TMEM71: variants seen among roughly 807,000 people sequenced by gnomAD.
The protein encoded by TMEM71 is transmembrane protein 71.
A neutral mutation model predicts 38.0 loss-of-function variants in TMEM71; 44 were observed. That is an observed-to-expected ratio of 1.16 (90% CI 0.91 to 1.49). The LOEUF (loss-of-function observed/expected upper bound fraction) is 1.49. Ranked by LOEUF, TMEM71 falls within the 40% of genes most tolerant of loss-of-function variation. The probability of loss-of-function intolerance (pLI) is 0.00; values close to 1 mark genes in which losing one functional copy is unlikely to be tolerated. For synonymous variants in TMEM71, 133 were observed against 122.5 expected, an observed-to-expected ratio of 1.09 and a Z score of -0.56; for missense variants, 367 against 348.6, an observed-to-expected ratio of 1.05 and a Z score of -0.42.
At chr8:132,750,022 A>AAAAG (rs1554619430) in intron 4 of TMEM71, among the ~76,000 whole-genome samples, 7 of 151,080 alleles carry the variant, frequency 4.6e-5, no homozygotes, top group African/African-American at 7.3e-5. Context: ...CAAAAAAAAA[A>AAAAG]AAAGAAAGAA....
intron 7 of TMEM71, among the ~76,000 whole-genome samples, chr8:132,721,517 C>G (rs1300571119): frequency 6.7e-6 from 1 of 149,992 alleles, no homozygotes; most frequent in East Asian, 2.0e-4. Flanking sequence ...GTTTTGTATG[C>G]TTTCTAGGTG....
intron 7 of TMEM71, 57 bp downstream of exon 7, chr8:132,721,983 C>T: frequency 7.1e-7 from 1 of 1,415,872 alleles, no homozygotes; most frequent in Admixed American, 1.7e-5. Flanking sequence ...AATCATCAAT[C>T]AGCTATAGTT....
intron 5 of TMEM71, among the ~76,000 whole-genome samples, chr8:132,729,049 C>T (rs547242735): frequency 6.6e-6 from 1 of 152,234 alleles, no homozygotes; most frequent in South Asian, 2.1e-4. Context: ...TTTTACTTGC[C>T]CTAAACTTAG....
intron 5 of TMEM71, among the ~76,000 whole-genome samples, chr8:132,745,734 C>G (rs1319062572): frequency 6.6e-6 from 1 of 151,888 alleles, no homozygotes; most frequent in Non-Finnish European, 1.5e-5. Flanking sequence ...TTTTCAGGAG[C>G]ACTATTCACA....
At chr8:132,773,942 C>T in the TMEM71 span, among the ~76,000 whole-genome samples, 1 of 152,096 alleles carries the variant, frequency 6.6e-6, no homozygotes, top group Admixed American at 6.6e-5. Context: ...CCTTATACAA[C>T]ACAGTAGTTG....
chr8:132,712,468 A>C (rs1355199302), intron 9 of TMEM71, among the ~76,000 whole-genome samples: 1 of 152,108 alleles, frequency 6.6e-6, no homozygotes, highest in African/African-American at 2.4e-5. Flanking sequence ...GCCCTCCCTG[A>C]ACATACTCCC....
chr8:132,717,760 A>G (rs2131016941), intron 7 of TMEM71, among the ~76,000 whole-genome samples: 1 of 152,372 alleles, frequency 6.6e-6, no homozygotes, highest in East Asian at 1.9e-4. Flanking sequence ...ACCAAGAAAA[A>G]TGAAACTGTA....
intron 5 of TMEM71, among the ~76,000 whole-genome samples, chr8:132,732,542 A>G (rs1314445916): frequency 1.3e-5 from 2 of 151,976 alleles, no homozygotes; most frequent in Non-Finnish European, 2.9e-5. Flanking sequence ...CCAAGCTAAT[A>G]TTGATTCTGT....
chr8:132,726,976 C>A (rs1223384935), intron 6 of TMEM71, among the ~76,000 whole-genome samples: 1 of 151,858 alleles, frequency 6.6e-6, no homozygotes, highest in African/African-American at 2.4e-5. Flanking sequence ...CCTGTCTCAG[C>A]CGCCAGAGTA....
intron 4 of TMEM71, among the ~76,000 whole-genome samples, chr8:132,747,734 T>C (rs1000083696): frequency 6.6e-6 from 1 of 152,200 alleles, no homozygotes; most frequent in Non-Finnish European, 1.5e-5. Context: ...CTAAGCTGCA[T>C]CAGATGATCT....
chr8:132,733,275 T>C (rs1827560763), intron 5 of TMEM71, among the ~76,000 whole-genome samples: 1 of 152,224 alleles, frequency 6.6e-6, no homozygotes, highest in Non-Finnish European at 1.5e-5. Flanking sequence ...AGCTCATAGT[T>C]AGCATTCAGT....
At chr8:132,742,638 G>A (rs1039257000) in intron 5 of TMEM71, among the ~76,000 whole-genome samples, 2 of 152,182 alleles carry the variant, frequency 1.3e-5, no homozygotes, top group Non-Finnish European at 2.9e-5. Flanking sequence ...GTTGTGTTTA[G>A]TACAGTGGCT....
chr8:132,757,223 C>G lies in TMEM71; in HGVS notation c.101+11G>C. ...AATGATTATTTTTTTAAAAGAAGCC[C>G]CATAGTATACCTTGGGAAAATGCAC... On this transcript the variant is annotated intron_variant, in intron 3 of 9. Transcript: ENST00000677595. 6.2e-7 allele frequency: 1 copy of G among 1,602,474 alleles called. No homozygotes were observed. The highest frequency in any genetic ancestry group is 8.5e-7 in the Non-Finnish European group (1 of 1,171,134).
intron 7 of TMEM71, among the ~76,000 whole-genome samples, chr8:132,718,870 A>G (rs1010365531): frequency 1.3e-5 from 2 of 152,220 alleles, no homozygotes; most frequent in Non-Finnish European, 2.9e-5. Context: ...TAGTATTTTT[A>G]TTGTTTTTAT....
chr8:132,709,499 C>T (rs563965004), downstream of TMEM71, among the ~76,000 whole-genome samples: 10 of 152,228 alleles, frequency 6.6e-5, no homozygotes, highest in Admixed American at 3.9e-4. Flanking sequence ...GTCATTAAGT[C>T]AAAGATTTTA....
chr8:132,712,769 C>T (rs992603161), intron 9 of TMEM71, among the ~76,000 whole-genome samples: 1 of 152,200 alleles, frequency 6.6e-6, no homozygotes, highest in African/African-American at 2.4e-5. Flanking sequence ...GATTTGGTAA[C>T]TTAGGTGGTG....
At chr8:132,762,658 A>G (rs1466040840), upstream of TMEM71, among the ~76,000 whole-genome samples, 1 of 152,180 alleles carries the variant, frequency 6.6e-6, no homozygotes. Context: ...TTCTCATTTT[A>G]CAGAAGAGCA....
At chr8:132,730,508 C>T (rs1359149359) in intron 5 of TMEM71, among the ~76,000 whole-genome samples, 2 of 152,068 alleles carry the variant, frequency 1.3e-5, no homozygotes, top group African/African-American at 4.8e-5. Context: ...AAAAGATAAT[C>T]CTGCAGTGGG....
At chr8:132,759,049 G>A in intron 1 of TMEM71, 134 bp from the exon 2 acceptor site, 1 of 612,338 alleles carries the variant, frequency 1.6e-6, no homozygotes, top group East Asian at 2.8e-5. Flanking sequence ...ATTGAAGGTA[G>A]GAGACCAGAC....
Sources: allele counts gnomAD v4.1 joint callset (sites outside exome capture counted in the v4.1 genomes callset), GRCh38; gene constraint gnomAD v4.1.1; transcripts MANE v1.5; gene names NCBI Gene and HGNC (gene_info 2026-07-23, HGNC 2026-07-21).